Variants in ALK observed in about 807,000 individuals in gnomAD.
ALK encodes the protein ALK tyrosine kinase receptor.
A neutral mutation model predicts 163.1 loss-of-function variants in ALK; 74 were observed. That is an observed-to-expected ratio of 0.45 (90% confidence interval 0.38 to 0.55). ALK has a LOEUF of 0.55. Among genes scored for constraint, ALK ranks in the 20% least tolerant of loss-of-function variants. The pLI is 0.00. For missense variants in ALK, 2,063 were observed against 2,105.3 expected, an observed-to-expected ratio of 0.98 and a Z score of 0.39; for synonymous variants, 960 against 843.2, an observed-to-expected ratio of 1.14 and a Z score of -2.40.
intron 3 of ALK, among the ~76,000 whole-genome samples, chr2:29,621,886 G>A (rs185111872): frequency 1.3e-4 from 20 of 152,200 alleles, no homozygotes; most frequent in African/African-American, 4.6e-4. Flanking sequence ...AGAGGGACTG[G>A]GAAGGGCAGG....
chr2:29,233,204 G>A (rs78780114), intron 14 of ALK, among the ~76,000 whole-genome samples: 4,661 of 152,228 alleles, frequency 0.031, 91 homozygotes, highest in Non-Finnish European at 0.046. Context: ...GTTCAATGGC[G>A]TGATGACAGC....
chr2:29,446,742 T>C (rs1468466796), intron 4 of ALK, among the ~76,000 whole-genome samples: 4 of 152,220 alleles, frequency 2.6e-5, no homozygotes, highest in African/African-American at 7.2e-5. Context: ...CCACATTTCA[T>C]GAAAAATAGT....
In ALK at chr2:29,193,339, T is replaced by C. The variant is rs751677905; in HGVS notation, c.4748A>G (p.Asn1583Ser). The change falls in exon 29 of 29, where the codon AAT becomes AGT. Residue 1583 changes from asparagine (N) to serine (S), a missense_variant. By Grantham distance (46) the Asn-to-Ser change is conservative (BLOSUM62 1). Transcript: ENST00000389048. ...RLRHFPCGNV[N>S]YGYQQQGLPL... is the part of the protein sequence containing the mutation. Reference sequence around the variant, plus strand: ...CAAGCCCTGTTGCTGGTAGCCGTAATTGACATTCCCACAAGGGAAGTGACG... The same window carrying C: ...CAAGCCCTGTTGCTGGTAGCCGTAACTGACATTCCCACAAGGGAAGTGACG... 21 of 1,614,076 alleles carry C rather than the reference T, an allele frequency of 1.3e-5. No individual in the cohort carries two copies. Among genetic ancestry groups the C allele is most frequent in the South Asian group, 5.5e-5 (5 of 91,092 alleles).
intron 3 of ALK, among the ~76,000 whole-genome samples, chr2:29,561,887 T>C (rs1334901694): frequency 6.6e-6 from 1 of 152,060 alleles, no homozygotes; most frequent in African/African-American, 2.4e-5. Context: ...CCTAGATATA[T>C]TGATTTAACT....
At chr2:29,573,812 C>T (rs549197380) in intron 3 of ALK, among the ~76,000 whole-genome samples, 77 of 152,226 alleles carry the variant, frequency 5.1e-4, no homozygotes, top group African/African-American at 1.8e-3. Flanking sequence ...AGGAAGGAAA[C>T]AGACAGTATA....
chr2:29,207,373 A>AT, intron 25 of ALK, 101 bp from the exon 26 acceptor site: 2 of 881,518 alleles, frequency 2.3e-6, no homozygotes, highest in South Asian at 2.8e-5. Flanking sequence ...TAGTCTACCC[A>AT]TTAAAGGTCT....
At chr2:29,349,751 A>C (rs375094974) in intron 5 of ALK, among the ~76,000 whole-genome samples, 1 of 152,236 alleles carries the variant, frequency 6.6e-6, no homozygotes, top group Non-Finnish European at 1.5e-5. Context: ...TGGAAGAAGG[A>C]TGGAGATGTG....
Position 29,920,708 on chromosome 2 carries a change from T to C in ALK, c.-49A>G. On this transcript the variant is annotated 5_prime_UTR_variant, in exon 1 of 29. Transcript: ENST00000389048. ...CTGCTCTCCGGGCCCAGCCTCACCC[T>C]TCGCTCTCCCCGAGATGGGAAGAGG... 1 of 1,478,078 alleles carries C rather than the reference T, an allele frequency of 6.8e-7. No individual in the cohort carries two copies. The highest frequency in any genetic ancestry group is 9.1e-7 in the Non-Finnish European group (1 of 1,097,068). The allele number at this position is 1,478,078 out of a possible 1,614,324, so 91.6% of individuals were successfully genotyped here.
chr2:29,199,448 G>A (rs1669105200), intron 26 of ALK, among the ~76,000 whole-genome samples: 1 of 151,886 alleles, frequency 6.6e-6, no homozygotes, highest in Non-Finnish European at 1.5e-5. Context: ...AATCTAGTTG[G>A]AATTTAATTT....
chr2:29,920,872 G>T lies in ALK; in HGVS notation c.-213C>A, dbSNP rs1450253315. 8 of 589,970 alleles carry T rather than the reference G, an allele frequency of 1.4e-5. No homozygotes were observed. The highest frequency in any genetic ancestry group is 2.4e-5 in the Non-Finnish European group (8 of 332,136). The allele number at this position is 589,970 out of a possible 1,614,324, so 36.5% of individuals were successfully genotyped here. A position where few individuals can be genotyped will look rare whatever the true frequency, so the allele number is the denominator to read the frequency against. The stretch of plus-strand genomic sequence containing the variant: ...ATGAAACAGACCTGGAAGCTCAGGG[G>T]CGAGTCCAGAGACACTCAAGCACAC... On this transcript the variant is annotated 5_prime_UTR_variant, in exon 1 of 29. Coordinates refer to ENST00000389048, the MANE Select transcript of ALK (RefSeq NM_004304.5).
chr2:29,460,907 C>T (rs1278643924), intron 4 of ALK, among the ~76,000 whole-genome samples: 1 of 152,120 alleles, frequency 6.6e-6, no homozygotes, highest in Non-Finnish European at 1.5e-5. Context: ...AAAAGCTAGG[C>T]CTCTTGCACC....
chr2:29,666,813 T>C (rs1332527280), intron 3 of ALK, among the ~76,000 whole-genome samples: 1 of 152,076 alleles, frequency 6.6e-6, no homozygotes, highest in Non-Finnish European at 1.5e-5. Flanking sequence ...AGTTTCTATA[T>C]ATGTATATAT....
At chr2:29,641,103 C>T (rs1222839187) in intron 3 of ALK, among the ~76,000 whole-genome samples, 1 of 151,946 alleles carries the variant, frequency 6.6e-6, no homozygotes, top group Admixed American at 6.6e-5. Context: ...GGAAGTGGCA[C>T]ACTTCATTAA....
chr2:29,266,669 T>C (rs922797224), intron 11 of ALK, among the ~76,000 whole-genome samples: 2 of 152,226 alleles, frequency 1.3e-5, no homozygotes, highest in Non-Finnish European at 2.9e-5. Context: ...CCAGAATCTT[T>C]GACTCTCCTG....
At chr2:29,704,417 A>G (rs1333065562) in intron 2 of ALK, among the ~76,000 whole-genome samples, 1 of 152,196 alleles carries the variant, frequency 6.6e-6, no homozygotes. Context: ...GGGATCATCA[A>G]AGAATGCACA....
At chr2:29,504,210 T>G (rs1672257006) in intron 4 of ALK, among the ~76,000 whole-genome samples, 1 of 151,636 alleles carries the variant, frequency 6.6e-6, no homozygotes, top group African/African-American at 2.4e-5. Context: ...GAGCAGTGAG[T>G]ACAAAGGGCC....
At chr2:29,330,613 C>A (rs570895596) in intron 5 of ALK, among the ~76,000 whole-genome samples, 1 of 152,138 alleles carries the variant, frequency 6.6e-6, no homozygotes, top group Non-Finnish European at 1.5e-5. Flanking sequence ...ATCCCTGGGG[C>A]CCGTGAAAAT....
chr2:29,348,409 G>A (rs1668016798), intron 5 of ALK, among the ~76,000 whole-genome samples: 1 of 152,198 alleles, frequency 6.6e-6, no homozygotes, highest in Non-Finnish European at 1.5e-5. Flanking sequence ...GGCACCCAGG[G>A]GCTCAGCTCA....
intron 1 of ALK, among the ~76,000 whole-genome samples, chr2:29,816,086 A>T (rs1664890131): frequency 6.6e-6 from 1 of 152,246 alleles, no homozygotes; most frequent in Admixed American, 6.5e-5. Context: ...CCACAAGTAC[A>T]CATTATGAAT....
Sources: allele counts gnomAD v4.1 joint callset (sites outside exome capture counted in the v4.1 genomes callset), GRCh38; gene constraint gnomAD v4.1.1; transcripts MANE v1.5; gene names NCBI Gene and HGNC (gene_info 2026-07-23, HGNC 2026-07-21).